Variants in SEMA3A observed in about 807,000 individuals in gnomAD.
SEMA3A encodes the protein semaphorin-3A.
In SEMA3A, 29 loss-of-function variants were observed where a neutral mutation model predicts 97.9. The ratio of observed to expected loss-of-function variants is 0.30; its 90% CI spans 0.22 to 0.40. The LOEUF is 0.40. Ranked by LOEUF, SEMA3A falls within the 10% of genes least tolerant of loss-of-function variation. The pLI is 1.00. For missense variants in SEMA3A, 763 were observed against 951.3 expected (o/e 0.80, Z 2.60); for synonymous variants, 321 against 323.7 (o/e 0.99, Z 0.09).
At chr7:84,391,795 AC>A (rs1803585955) in intron 1 of SEMA3A, among the ~76,000 whole-genome samples, 1 of 152,012 alleles carries the variant, frequency 6.6e-6, no homozygotes, top group Admixed American at 6.6e-5. Context: ...ACATGGCAAA[AC>A]TGCCTTCTCT....
chr7:84,154,679 G>GAAAAAAAAAACAAAAAAAAAAAAAAAAAA (rs1796783327), intron 1 of SEMA3A, among the ~76,000 whole-genome samples: 1 of 112,218 alleles, frequency 8.9e-6, no homozygotes, highest in Non-Finnish European at 1.8e-5. Flanking sequence ...TAGTCTCAGG[G>GAAAAAAAAAACAAAAAAAAAAAAAAAAAA]AAAAAAAAAA....
At chr7:84,322,344 A>G (rs1801669296) in intron 2 of SEMA3A, among the ~76,000 whole-genome samples, 3 of 152,040 alleles carry the variant, frequency 2.0e-5, no homozygotes, top group East Asian at 1.9e-4. Context: ...AATAAAATAC[A>G]CTTATTTTCT....
At chr7:84,075,937 C>A (rs997362541) in intron 4 of SEMA3A, among the ~76,000 whole-genome samples, 1 of 152,148 alleles carries the variant, frequency 6.6e-6, no homozygotes, top group African/African-American at 2.4e-5. Context: ...AATCCAGATT[C>A]TGTGCCTCAT....
intron 3 of SEMA3A, among the ~76,000 whole-genome samples, chr7:84,211,367 T>C: frequency 6.6e-6 from 1 of 152,058 alleles, no homozygotes; most frequent in Non-Finnish European, 1.5e-5. Flanking sequence ...TCCCAGCACT[T>C]TGGGAGGCCA....
At chr7:83,982,402 C>T (rs1298145656) in intron 13 of SEMA3A, among the ~76,000 whole-genome samples, 1 of 152,116 alleles carries the variant, frequency 6.6e-6, no homozygotes, top group Non-Finnish European at 1.5e-5. Flanking sequence ...TTCAGTACAA[C>T]TTTTAAAATG....
At chr7:84,291,942 C>T (rs1800758382) in intron 3 of SEMA3A, among the ~76,000 whole-genome samples, 1 of 152,118 alleles carries the variant, frequency 6.6e-6, no homozygotes, top group Non-Finnish European at 1.5e-5. Flanking sequence ...GTGCCCAGTG[C>T]ATAATGGCAC....
intron 2 of SEMA3A, among the ~76,000 whole-genome samples, chr7:84,336,076 A>C (rs952719631): frequency 2.2e-4 from 33 of 152,264 alleles, no homozygotes; most frequent in South Asian, 6.2e-4. Context: ...TAACAGCATG[A>C]TCTTCTTTAA....
At chr7:84,310,616 G>A (rs55864831) in intron 2 of SEMA3A, among the ~76,000 whole-genome samples, 22,579 of 151,948 alleles carry the variant, frequency 0.15, 1,933 homozygotes, top group African/African-American at 0.22. Context: ...TGACAAATCT[G>A]ATGTCTGCTA....
intron 5 of SEMA3A, among the ~76,000 whole-genome samples, chr7:84,053,212 T>C (rs1792770564): frequency 8.7e-6 from 1 of 114,706 alleles, no homozygotes; most frequent in Non-Finnish European, 2.0e-5. Flanking sequence ...GAGAGTTCTG[T>C]AGATGTCTAT....
rs186514749 is a variant in SEMA3A at position 84,222,618 on chromosome 7, A to G, written c.-82-27950T>C. Among the ~76,000 whole-genome samples the G allele has an allele frequency of 3.9e-5, 6 of 152,056 alleles. No individual in the cohort carries two copies. The East Asian group carries it at 1.2e-3, about 29-fold the overall frequency. The stretch of plus-strand genomic sequence containing the variant: ...CTAAAGCTTAATATTAATTGTAAAC[A>G]TATGGTAGATTTTCCCTAAGAAAAA... On this transcript the variant is annotated intron_variant, in intron 3 of 3. Transcript: ENST00000424555.
chr7:84,044,355 G>A (rs959455175), intron 6 of SEMA3A, among the ~76,000 whole-genome samples: 41 of 152,018 alleles, frequency 2.7e-4, no homozygotes, highest in Non-Finnish European at 1.2e-4. Context: ...CAGGTACCAT[G>A]AGACCCCGTC....
In SEMA3A at chr7:84,186,069, T is replaced by C. The variant is rs186878685; in HGVS notation, c.112+8406A>G. On this transcript the variant is annotated intron_variant, in intron 1 of 16. Coordinates refer to ENST00000265362, the MANE Select transcript of SEMA3A (RefSeq NM_006080.3). ...CAGCTCTAAGTCATATAAATTATTCTAAATATATTGCTGTTTTCCTAAAAA... is the reference window on the plus strand; with the variant it reads ...CAGCTCTAAGTCATATAAATTATTCCAAATATATTGCTGTTTTCCTAAAAA... Among the ~76,000 whole-genome samples, 44 of 152,274 alleles carry C rather than the reference T, an allele frequency of 2.9e-4. 1 individual carries two copies. The East Asian group carries it at 6.0e-3, about 21-fold the overall frequency.
intron 4 of SEMA3A, among the ~76,000 whole-genome samples, chr7:84,067,466 A>G (rs1355701253): frequency 4.6e-5 from 7 of 151,340 alleles, no homozygotes; most frequent in Non-Finnish European, 1.5e-5. Context: ...AAAAGAAACT[A>G]CCATCAGAGT....
intron 1 of SEMA3A, among the ~76,000 whole-genome samples, chr7:84,417,591 G>A (rs1299365836): frequency 4.6e-5 from 7 of 151,924 alleles, no homozygotes; most frequent in South Asian, 2.1e-4. Context: ...TATGGAAAAC[G>A]TATTTATTGC....
At chr7:84,334,224 C>T (rs1261979090) in intron 2 of SEMA3A, among the ~76,000 whole-genome samples, 1 of 151,604 alleles carries the variant, frequency 6.6e-6, no homozygotes, top group South Asian at 2.1e-4. Flanking sequence ...TATATATTTG[C>T]TATTCTACAA....
chr7:84,464,297 G>A (rs894809877), intron 1 of SEMA3A, among the ~76,000 whole-genome samples: 1 of 152,096 alleles, frequency 6.6e-6, no homozygotes, highest in African/African-American at 2.4e-5. Context: ...AACACAAAGT[G>A]GAACTCAAAT....
At chr7:84,417,923 A>C (rs1804478137) in intron 1 of SEMA3A, among the ~76,000 whole-genome samples, 2 of 152,170 alleles carry the variant, frequency 1.3e-5, no homozygotes, top group African/African-American at 4.8e-5. Flanking sequence ...TAGTCTAATT[A>C]TTAAGCTAAT....
intron 3 of SEMA3A, among the ~76,000 whole-genome samples, chr7:84,277,697 AG>A (rs986101261): frequency 4.6e-5 from 7 of 152,048 alleles, no homozygotes; most frequent in African/African-American, 7.2e-5. Flanking sequence ...CATCTGCTTC[AG>A]GGGGGGCCTC....
At chr7:84,387,640 A>G (rs1292012903) in intron 1 of SEMA3A, among the ~76,000 whole-genome samples, 1 of 152,200 alleles carries the variant, frequency 6.6e-6, no homozygotes, top group African/African-American at 2.4e-5. Flanking sequence ...ATACAGATAC[A>G]GATAATTCTG....
Sources: allele counts gnomAD v4.1 joint callset (sites outside exome capture counted in the v4.1 genomes callset), GRCh38; gene constraint gnomAD v4.1.1; transcripts MANE v1.5; gene names NCBI Gene and HGNC (gene_info 2026-07-23, HGNC 2026-07-21).